Variants in CTPS2 observed in about 807,000 individuals in gnomAD.
CTPS2 encodes the protein CTP synthase 2, also known as CTP synthase II.
Under a neutral mutation model 46.8 loss-of-function variants are expected in CTPS2, and 19 were observed. That is an observed-to-expected ratio of 0.41 (90% CI 0.28 to 0.60). CTPS2 has a LOEUF of 0.60. CTPS2 is among the 20% of genes least tolerant of loss of function. The pLI is 0.35. For missense variants in CTPS2, 286 were observed against 447.6 expected (o/e 0.64, Z 3.26); for synonymous variants, 151 against 165.2 (o/e 0.91, Z 0.66).
chrX:16,707,469 G>C (rs769660323), intron 1 of CTPS2, among the ~76,000 whole-genome samples: 4 of 111,585 alleles, frequency 3.6e-5, no homozygotes, highest in Non-Finnish European at 7.5e-5. Context: ...TCAGAAGTTC[G>C]ACACCAACCT....
At chrX:16,645,117 G>C (rs1333284526) in intron 13 of CTPS2, among the ~76,000 whole-genome samples, 1 of 110,603 alleles carries the variant, frequency 9.0e-6, no homozygotes, top group African/African-American at 3.3e-5. Flanking sequence ...TGAGTAGCTG[G>C]GACTACAGGC....
chrX:16,594,925 C>T (rs1242668876), intron 17 of CTPS2, among the ~76,000 whole-genome samples: 2 of 112,815 alleles, frequency 1.8e-5, no homozygotes, highest in Non-Finnish European at 3.7e-5. Flanking sequence ...AAAACAACTG[C>T]TAGAAATAAA....
chrX:16,665,750 TTTTG>T (rs1184832592), intron 13 of CTPS2, among the ~76,000 whole-genome samples: 2 of 111,509 alleles, frequency 1.8e-5, no homozygotes, highest in East Asian at 2.8e-4. Flanking sequence ...TTATACAGTT[TTTTG>T]TTTGTTTGTT....
At chrX:16,590,460 A>G (rs1340678654) in intron 18 of CTPS2, among the ~76,000 whole-genome samples, 1 of 111,998 alleles carries the variant, frequency 8.9e-6, no homozygotes, top group Non-Finnish European at 1.9e-5. Flanking sequence ...ACCTTACAGA[A>G]AGTCTGTCAA....
intron 8 of CTPS2, among the ~76,000 whole-genome samples, chrX:16,685,796 G>A (rs1183935035): frequency 3.8e-5 from 4 of 104,082 alleles, no homozygotes; most frequent in Non-Finnish European, 5.9e-5. Flanking sequence ...GAACCCAGGA[G>A]GCAGAGCTTG....
chrX:16,642,770 G>A (rs190632326), intron 13 of CTPS2, among the ~76,000 whole-genome samples: 1 of 112,355 alleles, frequency 8.9e-6, no homozygotes, highest in East Asian at 2.8e-4. Context: ...AGAGACAGGA[G>A]AACATCACAG....
At chrX:16,664,037 C>T (rs1046247467) in intron 13 of CTPS2, among the ~76,000 whole-genome samples, 1 of 111,312 alleles carries the variant, frequency 9.0e-6, no homozygotes, top group African/African-American at 3.3e-5. Context: ...AAAGTTTCAC[C>T]ATGTTAGCCA....
intron 13 of CTPS2, among the ~76,000 whole-genome samples, chrX:16,642,556 G>C (rs1169831134): frequency 9.0e-6 from 1 of 111,435 alleles, no homozygotes; most frequent in Admixed American, 9.6e-5. Flanking sequence ...CAACACTCAG[G>C]AAGCGGAAGG....
rs761532183 is a variant in CTPS2, at chrX:16,689,588, T to C, written c.734A>G (p.His245Arg). The change falls in exon 8 of 19, where the codon CAT (histidine) becomes CGT (arginine). Residue 245 changes from histidine (H) to arginine (R), a missense_variant. Physicochemically the swap from His to Arg is conservative, Grantham distance 29. Coordinates refer to ENST00000359276, the MANE Select transcript of CTPS2 (RefSeq NM_175859.3). Reference protein sequence around the residue: ...HVNPEQVICIHDVSSTYRVPV... With the variant: ...HVNPEQVICIRDVSSTYRVPV... ...AACTCGGTATGTGGAAGAAACATCA[T>C]GGATACATATGACCTAAGTGGCGAT... 8 of 1,205,898 alleles carry C rather than the reference T, an allele frequency of 6.6e-6. No individual in the cohort carries two copies. The highest frequency in any genetic ancestry group is 1.8e-5 in the South Asian group (1 of 55,942).
At chrX:16,678,007 GAA>G (rs1194366282) in intron 10 of CTPS2, among the ~76,000 whole-genome samples, 1 of 109,658 alleles carries the variant, frequency 9.1e-6, no homozygotes, top group African/African-American at 3.3e-5. Context: ...AAAAGAGAGA[GAA>G]AAAAAAAGCT....
intron 13 of CTPS2, among the ~76,000 whole-genome samples, chrX:16,666,385 T>C (rs973376205): frequency 6.2e-5 from 7 of 112,039 alleles, no homozygotes; most frequent in Non-Finnish European, 1.1e-4. Flanking sequence ...AATGCTTTTA[T>C]TGAGATTCCA....
chrX:16,670,438 T>C (rs913214178), intron 11 of CTPS2, 142 bp downstream of exon 11: 1 of 428,561 alleles, frequency 2.3e-6, no homozygotes. Context: ...ATATAGTTTG[T>C]TGACCCTATA....
At chrX:16,590,099 G>C (rs894456880) in intron 18 of CTPS2, among the ~76,000 whole-genome samples, 1 of 112,370 alleles carries the variant, frequency 8.9e-6, no homozygotes, top group African/African-American at 3.2e-5. Context: ...TATCCAGGCT[G>C]GTATTCTCTC....
intron 16 of CTPS2, 129 bp downstream of exon 16, chrX:16,617,021 G>C (rs1360044677): frequency 6.2e-6 from 3 of 487,017 alleles, no homozygotes; most frequent in Non-Finnish European, 1.1e-5. Context: ...CATGTACTTT[G>C]TAGTTACATA....
At chrX:16,675,903 C>G (rs1047610205) in intron 10 of CTPS2, among the ~76,000 whole-genome samples, 5 of 111,996 alleles carry the variant, frequency 4.5e-5, no homozygotes, top group African/African-American at 1.6e-4. Flanking sequence ...ATATTTTTTA[C>G]TTTGCTTAAA....
At chrX:16,694,903 G>A (rs1465698116) in intron 4 of CTPS2, among the ~76,000 whole-genome samples, 1 of 111,601 alleles carries the variant, frequency 9.0e-6, no homozygotes, top group East Asian at 2.8e-4. Flanking sequence ...GCTGAGGTGG[G>A]AGGATCGCTT....
At chrX:16,620,410 G>C (rs1022649132) in intron 14 of CTPS2, 78 bp from the exon 15 acceptor site, 2 of 731,043 alleles carry the variant, frequency 2.7e-6, no homozygotes, top group Non-Finnish European at 4.2e-6. Context: ...GTGGAGGCAA[G>C]TGCCTGGATC....
chrX:16,661,404 C>A (rs1292044460), intron 13 of CTPS2, among the ~76,000 whole-genome samples: 2 of 112,218 alleles, frequency 1.8e-5, no homozygotes, highest in Non-Finnish European at 3.8e-5. Flanking sequence ...TCAAAGTAAT[C>A]AAAATTGCCT....
intron 17 of CTPS2, among the ~76,000 whole-genome samples, chrX:16,602,520 C>A (rs1929726123): frequency 9.0e-6 from 1 of 111,552 alleles, no homozygotes; most frequent in Non-Finnish European, 1.9e-5. Context: ...CTTATTCAAG[C>A]ACCCAGCACA....
Sources: gnomAD v4.1 joint callset for allele counts (sites outside exome capture counted in the v4.1 genomes callset) on GRCh38, gnomAD v4.1.1 for gene constraint, MANE v1.5 for transcripts, NCBI Gene and HGNC (gene_info 2026-07-23, HGNC 2026-07-21) for gene names.